THSD7A: variants seen among roughly 807,000 people sequenced by gnomAD.
The protein encoded by THSD7A is thrombospondin type-1 domain-containing protein 7A.
Under a neutral mutation model 231.3 loss-of-function variants are expected in THSD7A, and 96 were observed. That is an observed-to-expected ratio of 0.41 (90% CI 0.35 to 0.49). The LOEUF (loss-of-function observed/expected upper bound fraction) is 0.49, where lower values mean the gene tolerates loss of function less well. Among genes scored for constraint, THSD7A ranks in the 20% least tolerant of loss-of-function variants. The pLI, the probability that THSD7A is intolerant of heterozygous loss-of-function variation, is 0.05. For synonymous variants in THSD7A, 940 were observed against 743.3 expected (o/e 1.26, Z -4.30); for missense variants, 2,290 against 2,070.2 (o/e 1.11, Z -2.06).
chr7:11,541,670 A>G, intron 5 of THSD7A, 39 bp from the exon 6 acceptor site: 1 of 1,570,250 alleles, frequency 6.4e-7, no homozygotes, highest in Non-Finnish European at 8.7e-7. Context: ...TGTTACTATC[A>G]AAGGTTTAGT....
At chr7:11,490,763 G>C (rs895734822) in intron 6 of THSD7A, among the ~76,000 whole-genome samples, 2 of 151,860 alleles carry the variant, frequency 1.3e-5, no homozygotes, top group Non-Finnish European at 2.9e-5. Flanking sequence ...TAGTTTTTTA[G>C]TAACTAGTTC....
At chr7:11,607,427 A>T (rs1046516918) in intron 2 of THSD7A, among the ~76,000 whole-genome samples, 1 of 152,126 alleles carries the variant, frequency 6.6e-6, no homozygotes, top group Non-Finnish European at 1.5e-5. Context: ...TGGTGAAATG[A>T]TATTTTACTA....
At chr7:11,433,581 G>A (rs570800819) in intron 13 of THSD7A, among the ~76,000 whole-genome samples, 43 of 152,040 alleles carry the variant, frequency 2.8e-4, no homozygotes, top group African/African-American at 9.4e-4. Context: ...AAGGTAATAA[G>A]TTATTTCAAA....
At position 11,763,895 on chromosome 7, in the gene THSD7A, G is replaced by A. The variant is rs149303120; in HGVS notation, c.190+67862C>T. 1.9e-3 allele frequency among the ~76,000 whole-genome samples: 291 copies of A among 152,254 alleles called. 1 individual carries two copies. Among genetic ancestry groups the A allele is most frequent in the African/African-American group, 6.8e-3 (282 of 41,548 alleles). ...CTATAATCTAAAATTCCTCTGTGGA[G>A]TAGTTAAAGTAAGACTATGATTAGT... On this transcript the variant is annotated intron_variant, in intron 1 of 27. Transcript: ENST00000423059.
chr7:11,406,426 C>A lies in THSD7A; in HGVS notation c.4111G>T (p.Val1371Leu). 6.2e-7 allele frequency: 1 copy of A among 1,613,934 alleles called. No individual in the cohort carries two copies. The highest frequency in any genetic ancestry group is 1.1e-5 in the South Asian group (1 of 91,078). The change falls in exon 22 of 28, where the codon GTA (valine) becomes TTA (leucine). Residue 1371 changes from valine (V) to leucine (L), a missense_variant. Val to Leu is a conservative substitution (Grantham distance 32). Transcript: ENST00000423059. The surrounding 1 kb of genome is among the most constrained non-coding windows in gnomAD (Gnocchi z 4.7). ...GTRTRNISCV[V>L]SDGSADDFSK... ...AAATCATCAGCTGACCCATCACTTA[C>A]TACACAAGAAATGTTCCTTGTTCTG... is the stretch of plus-strand genomic sequence containing the variant.
chr7:11,623,164 C>T (rs1781373510), intron 2 of THSD7A, among the ~76,000 whole-genome samples: 1 of 152,096 alleles, frequency 6.6e-6, no homozygotes, highest in South Asian at 2.1e-4. Flanking sequence ...AATTAAGCAC[C>T]TGATAGATGA....
intron 1 of THSD7A, among the ~76,000 whole-genome samples, chr7:11,767,187 T>C (rs1449946876): frequency 3.3e-5 from 5 of 152,156 alleles, no homozygotes; most frequent in Non-Finnish European, 5.9e-5. Context: ...CATTGTTTTT[T>C]GGGGTTTCAG....
chr7:11,627,619 A>T (rs1781514911), intron 2 of THSD7A, among the ~76,000 whole-genome samples: 1 of 152,170 alleles, frequency 6.6e-6, no homozygotes, highest in Non-Finnish European at 1.5e-5. Context: ...AGGTGAACAG[A>T]TCAGAATGGG....
intron 6 of THSD7A, among the ~76,000 whole-genome samples, chr7:11,515,586 G>C (rs1787997109): frequency 6.6e-6 from 1 of 152,040 alleles, no homozygotes; most frequent in Admixed American, 6.6e-5. Context: ...CATCTAGCTA[G>C]ATTTATTACC....
At chr7:11,606,094 G>A (rs1398594301) in intron 2 of THSD7A, among the ~76,000 whole-genome samples, 1 of 152,124 alleles carries the variant, frequency 6.6e-6, no homozygotes, top group African/African-American at 2.4e-5. Flanking sequence ...GTTTGTTGGG[G>A]TGTGCAATGA....
rs111488088 is a variant in THSD7A, at chr7:11,641,283, C to T, written c.191-4322G>A. Among the ~76,000 whole-genome samples the T allele has an allele frequency of 7.5e-3, 1,139 of 152,066 alleles. 11 individuals are homozygous for T. The highest frequency in any genetic ancestry group is 0.026 in the African/African-American group (1,075 of 41,506). On this transcript the variant is annotated intron_variant, in intron 1 of 27. Coordinates refer to ENST00000423059, the MANE Select transcript of THSD7A (RefSeq NM_015204.3). The stretch of plus-strand genomic sequence containing the variant: ...GTTACATTCCATGGTTTGAACATGC[C>T]TTTTAATTTCAATGGCTTACTTTTG...
chr7:11,693,775 G>C (rs1029152731), intron 1 of THSD7A, among the ~76,000 whole-genome samples: 2 of 151,454 alleles, frequency 1.3e-5, no homozygotes, highest in African/African-American at 2.4e-5. Context: ...CATGCAGCAG[G>C]TGCATGTACC....
chr7:11,546,189 G>GGTGCGGGCGCGT (rs1211087296), intron 4 of THSD7A, among the ~76,000 whole-genome samples: 4,355 of 84,114 alleles, frequency 0.052, 129 homozygotes, highest in African/African-American at 0.12. Flanking sequence ...TGTTGTTGCT[G>GGTGCGGGCGCGT]GTGTGGGCGC....
Position 11,406,761 on chromosome 7 carries a change from A to G in THSD7A, c.4062+149T>C. On this transcript the variant is annotated intron_variant, in intron 21 of 27. Coordinates refer to ENST00000423059, the MANE Select transcript of THSD7A (RefSeq NM_015204.3). The surrounding 1 kb of genome is among the most constrained non-coding windows in gnomAD (Gnocchi z 4.7). ...TGTTATCAAAACTAATTAAATGGTT[A>G]TAAAATGGCAAGTACATACAAATTT... 1 of 1,002,578 alleles carries G rather than the reference A, an allele frequency of 1.0e-6. No individual in the cohort carries two copies. Among genetic ancestry groups the G allele is most frequent in the Non-Finnish European group, 1.4e-6 (1 of 705,340 alleles). 62.1% of individuals were successfully genotyped at this position (1,002,578 alleles called of 1,614,324 possible).
chr7:11,781,049 G>A (rs1783613764), intron 1 of THSD7A, among the ~76,000 whole-genome samples: 2 of 121,926 alleles, frequency 1.6e-5, no homozygotes, highest in African/African-American at 2.9e-5. Flanking sequence ...TTTATAGGGA[G>A]AATTATGAAG....
intron 4 of THSD7A, among the ~76,000 whole-genome samples, chr7:11,554,211 G>T (rs563253475): frequency 1.3e-5 from 2 of 151,956 alleles, no homozygotes; most frequent in Non-Finnish European, 2.9e-5. Flanking sequence ...CTTTGCAAAC[G>T]TAATTAGTTG....
chr7:11,578,240 C>A (rs576952603), intron 4 of THSD7A, among the ~76,000 whole-genome samples: 1 of 152,238 alleles, frequency 6.6e-6, no homozygotes, highest in Admixed American at 6.5e-5. Context: ...AATTAATATT[C>A]ATTTGGCATA....
In THSD7A at chr7:11,435,638, G is replaced by T. The variant is rs1784609402; in HGVS notation, c.3065-6513C>A. Among the ~76,000 whole-genome samples, 7 of 151,866 alleles carry T rather than the reference G, an allele frequency of 4.6e-5. No homozygotes were observed. In the South Asian group the frequency reaches 1.4e-3, roughly 31 times the overall value. The stretch of plus-strand genomic sequence containing the variant: ...TCCTGCCTCCACTAAAGAGATTATG[G>T]ATGCCTCATGTTTCAGATGCCCCCT... On this transcript the variant is annotated intron_variant, in intron 13 of 27. Coordinates refer to ENST00000423059, the MANE Select transcript of THSD7A (RefSeq NM_015204.3).
intron 2 of THSD7A, among the ~76,000 whole-genome samples, chr7:11,603,351 T>C (rs1433500646): frequency 6.6e-6 from 1 of 151,784 alleles, no homozygotes; most frequent in Non-Finnish European, 1.5e-5. Context: ...CCAGTTAGAA[T>C]GGCAATCATT....
Sources: gnomAD v4.1 joint callset for allele counts (sites outside exome capture counted in the v4.1 genomes callset) on GRCh38, gnomAD v4.1.1 for gene constraint, Gnocchi (gnomAD v3.1) non-coding constraint, MANE v1.5 for transcripts, NCBI Gene and HGNC (gene_info 2026-07-23, HGNC 2026-07-21) for gene names.